DLG2: variants seen among roughly 807,000 people sequenced by gnomAD.
DLG2 encodes the protein disks large homolog 2.
Under a neutral mutation model 132.5 loss-of-function variants are expected in DLG2, and 45 were observed. The observed-to-expected ratio is 0.34, with a 90% CI of 0.27 to 0.44. The LOEUF (loss-of-function observed/expected upper bound fraction) is 0.44, where lower values mean the gene tolerates loss of function less well. Ranked by LOEUF, DLG2 falls within the 20% of genes least tolerant of loss-of-function variation. DLG2 has a pLI of 1.00. For synonymous variants in DLG2, 424 were observed against 419.6 expected, an observed-to-expected ratio of 1.01 and a Z score of -0.13; for missense variants, 1,045 against 1,196.9, an observed-to-expected ratio of 0.87 and a Z score of 1.87.
intron 6 of DLG2, among the ~76,000 whole-genome samples, chr11:84,976,510 G>T (rs976858273): frequency 1.3e-5 from 2 of 152,050 alleles, no homozygotes; most frequent in African/African-American, 4.8e-5. Flanking sequence ...CATAATGCAA[G>T]AAATATATTT....
intron 8 of DLG2, among the ~76,000 whole-genome samples, chr11:84,201,456 C>T (rs2096591879): frequency 2.0e-5 from 3 of 152,092 alleles, no homozygotes; most frequent in Admixed American, 2.0e-4. Flanking sequence ...TGATGCTGGC[C>T]TCATAGAATG....
intron 6 of DLG2, among the ~76,000 whole-genome samples, chr11:84,810,238 A>G (rs1196951749): frequency 1.3e-5 from 2 of 152,096 alleles, no homozygotes; most frequent in Admixed American, 6.6e-5. Context: ...TGTTGAGAAT[A>G]TATAAAGAAC....
intron 6 of DLG2, among the ~76,000 whole-genome samples, chr11:84,863,844 T>A (rs574835469): frequency 6.6e-5 from 10 of 152,342 alleles, no homozygotes; most frequent in Admixed American, 2.6e-4. Context: ...CTGGGTTGTT[T>A]TCTGCAGCCT....
chr11:83,842,122 G>A (rs1001302442), intron 16 of DLG2, among the ~76,000 whole-genome samples: 1 of 152,164 alleles, frequency 6.6e-6, no homozygotes, highest in Non-Finnish European at 1.5e-5. Flanking sequence ...TGGATGCTGA[G>A]CGAATGGAGA....
At position 84,724,398 on chromosome 11, in the gene DLG2, C is replaced by T. The variant is rs2062169152; in HGVS notation, c.358-189667G>A. On this transcript the variant is annotated intron_variant, in intron 6 of 27. Coordinates refer to ENST00000376104, the MANE Select transcript of DLG2 (RefSeq NM_001142699.3). ...GCACTAATATCATGCTTGCTATGTA[C>T]ACTGTTCTGAATTCCACAGAGTGCT... is the stretch of plus-strand genomic sequence containing the variant. Among the ~76,000 whole-genome samples the T allele has an allele frequency of 1.3e-5, 2 of 152,124 alleles. 1 individual carries two copies. Among genetic ancestry groups the T allele is most frequent in the South Asian group, 4.1e-4 (2 of 4,834 alleles).
At chr11:85,472,597 C>T (rs1444446122) in intron 3 of DLG2, among the ~76,000 whole-genome samples, 4 of 152,136 alleles carry the variant, frequency 2.6e-5, no homozygotes, top group Admixed American at 6.5e-5. Context: ...CACACCCAGC[C>T]GAGAGCTATT....
intron 6 of DLG2, among the ~76,000 whole-genome samples, chr11:84,930,017 C>T (rs746098074): frequency 2.6e-5 from 4 of 151,938 alleles, no homozygotes; most frequent in Non-Finnish European, 5.9e-5. Context: ...AGAATGAGTG[C>T]CTCACAAGCA....
chr11:84,239,696 C>T (rs1298524076), intron 8 of DLG2, among the ~76,000 whole-genome samples: 3 of 152,134 alleles, frequency 2.0e-5, no homozygotes, highest in African/African-American at 4.8e-5. Context: ...TTTAGTGTTC[C>T]TACCAGTAAA....
chr11:84,201,466 G>A (rs1456660426), intron 8 of DLG2, among the ~76,000 whole-genome samples: 1 of 152,102 alleles, frequency 6.6e-6, no homozygotes, highest in Non-Finnish European at 1.5e-5. Flanking sequence ...CTCATAGAAT[G>A]AGTTAGGGAG....
intron 3 of DLG2, among the ~76,000 whole-genome samples, chr11:85,430,815 CG>C (rs1481557572): frequency 7.0e-6 from 1 of 143,396 alleles, no homozygotes; most frequent in Non-Finnish European, 1.5e-5. Context: ...AAATCATTGT[CG>C]TGAGTTTTTT....
At chr11:84,313,991 C>T (rs913695895) in intron 7 of DLG2, among the ~76,000 whole-genome samples, 8 of 152,176 alleles carry the variant, frequency 5.3e-5, no homozygotes, top group Admixed American at 5.2e-4. Context: ...ATTTTCAGAC[C>T]TGCTGAGGAA....
chr11:84,516,897 T>C (rs1271046985), intron 7 of DLG2, among the ~76,000 whole-genome samples: 1 of 150,628 alleles, frequency 6.6e-6, no homozygotes, highest in Non-Finnish European at 1.5e-5. Context: ...CTTGATCATG[T>C]ACTTATTACT....
At chr11:85,609,945 TGA>T (rs2080873661) in intron 2 of DLG2, among the ~76,000 whole-genome samples, 1 of 152,174 alleles carries the variant, frequency 6.6e-6, no homozygotes, top group African/African-American at 2.4e-5. Context: ...TTGTTATGCC[TGA>T]AAGTCCCACA....
intron 26 of DLG2, among the ~76,000 whole-genome samples, chr11:83,465,071 T>G (rs562932348): frequency 6.6e-6 from 1 of 152,298 alleles, no homozygotes; most frequent in South Asian, 2.1e-4. Context: ...AATCATTATT[T>G]TATCATTAGT....
At chr11:85,504,094 T>C (rs2093871288) in intron 3 of DLG2, among the ~76,000 whole-genome samples, 2 of 152,220 alleles carry the variant, frequency 1.3e-5, no homozygotes, top group Admixed American at 6.5e-5. Context: ...TTAAGTTCTT[T>C]GTAGATTCTG....
intron 17 of DLG2, chr11:83,790,594 G>A: frequency 7.6e-7 from 1 of 1,322,070 alleles, no homozygotes; most frequent in Non-Finnish European, 1.1e-6. Flanking sequence ...GTGCCAGTAA[G>A]TCCACTGAAG....
intron 3 of DLG2, among the ~76,000 whole-genome samples, chr11:85,364,627 C>T (rs992196297): frequency 6.6e-6 from 1 of 152,036 alleles, no homozygotes; most frequent in Non-Finnish European, 1.5e-5. Context: ...CTGAAAAAAA[C>T]CATTTAAACA....
intron 21 of DLG2, among the ~76,000 whole-genome samples, chr11:83,491,150 T>G (rs1413376942): frequency 6.6e-6 from 1 of 151,152 alleles, no homozygotes; most frequent in Non-Finnish European, 1.5e-5. Flanking sequence ...TTTTCTGTTT[T>G]TTTTTTTTTG....
At chr11:83,530,024 T>G (rs983787292) in intron 21 of DLG2, among the ~76,000 whole-genome samples, 3 of 152,106 alleles carry the variant, frequency 2.0e-5, no homozygotes, top group African/African-American at 7.2e-5. Context: ...GTTCTAGTCC[T>G]GTTTCTGGCA....
Sources: gnomAD v4.1 joint callset for allele counts (sites outside exome capture counted in the v4.1 genomes callset) on GRCh38, gnomAD v4.1.1 for gene constraint, MANE v1.5 for transcripts, NCBI Gene and HGNC (gene_info 2026-07-23, HGNC 2026-07-21) for gene names.